The following CCDC9B variants were observed in gnomAD, a reference collection of about 807,000 sequenced individuals.
The protein encoded by CCDC9B is coiled-coil domain-containing protein 9B.
A neutral mutation model predicts 47.2 loss-of-function variants in CCDC9B; 40 were observed. The ratio of observed to expected loss-of-function variants is 0.85; its 90% confidence interval spans 0.66 to 1.10. The LOEUF is 1.10. Ranked by LOEUF, CCDC9B falls within the 50% of genes least tolerant of loss-of-function variation. The pLI, the probability that CCDC9B is intolerant of heterozygous loss-of-function variation, is 0.00. For missense variants in CCDC9B, 662 were observed against 651.0 expected (o/e 1.02, Z -0.18); for synonymous variants, 238 against 250.7 (o/e 0.95, Z 0.48).
chr15:40,338,007 T>C, intron 5 of CCDC9B, 114 bp from the exon 6 acceptor site: 2 of 1,041,444 alleles, frequency 1.9e-6, no homozygotes, highest in Non-Finnish European at 2.9e-6. Context: ...AGCTAAAAAT[T>C]AGGCCTGTTC....
rs949803599 is a variant in CCDC9B, at chr15:40,331,853, C to T, written c.*3305G>A. 1 of 152,582 alleles carries T rather than the reference C, an allele frequency of 6.6e-6. No homozygotes were observed. Among genetic ancestry groups the T allele is most frequent in the African/African-American group, 2.4e-5 (1 of 41,444 alleles). 9.5% of individuals were successfully genotyped at this position (152,582 alleles called of 1,614,324 possible). A position where few individuals can be genotyped will look rare whatever the true frequency, so the allele number is the denominator to read the frequency against. Reference sequence around the variant, plus strand: ...TGTTCCACCCGGCCACACTGCCTGTCATCAAAACACATGTCTTTCTTGCAG... The same window carrying T: ...TGTTCCACCCGGCCACACTGCCTGTTATCAAAACACATGTCTTTCTTGCAG... On this transcript the variant is annotated 3_prime_UTR_variant, in exon 11 of 11. Coordinates refer to ENST00000397536, the MANE Select transcript of CCDC9B (RefSeq NM_207380.3).
At chr15:40,340,612 C>T in intron 1 of CCDC9B, 196 bp downstream of exon 1, 1 of 602,432 alleles carries the variant, frequency 1.7e-6, no homozygotes, top group Non-Finnish European at 2.8e-6. Context: ...AGGAGTCACC[C>T]TGGGCAAGCC....
rs765438623 is a variant in CCDC9B, at chr15:40,339,580, TC to T, written c.162del (p.Met55TrpfsTer3). On this transcript the variant is annotated frameshift_variant, in exon 3 of 11. Coordinates refer to ENST00000397536, the MANE Select transcript of CCDC9B (RefSeq NM_207380.3). LOFTEE classifies it high-confidence loss of function. The stretch of plus-strand genomic sequence containing the variant: ...AGGAGTGCTGGTGTGGTCACAGCCA[TC>T]CCCCCCTGCTCTGCCTGCCGACGGT... ...QEDRRQAEQG[G>X]MAVTTPALLQ... is the part of the protein sequence containing the mutation. The T allele has an allele frequency of 5.6e-6, 9 of 1,612,398 alleles. No homozygotes were observed. The highest frequency in any genetic ancestry group is 3.3e-5 in the South Asian group (3 of 91,022).
At position 40,337,125 on chromosome 15, in the gene CCDC9B, C is replaced by T. The variant is rs1172649582; in HGVS notation, c.742+263G>A. 1.6e-5 allele frequency: 10 copies of T among 628,324 alleles called. No homozygotes were observed. In the East Asian group the frequency reaches 2.5e-4, roughly 15 times the overall value. 38.9% of individuals were successfully genotyped at this position (628,324 alleles called of 1,614,324 possible). Reference sequence around the variant, plus strand: ...ACCAGGACTTTCACCCTTTAGGGACCTCAAAGAGACCCCGGGCCGGCTTCC... The same window carrying T: ...ACCAGGACTTTCACCCTTTAGGGACTTCAAAGAGACCCCGGGCCGGCTTCC... On this transcript the variant is annotated intron_variant, in intron 7 of 10. Transcript: ENST00000397536.
Position 40,338,402 on chromosome 15 carries a change from G to A in CCDC9B, c.513+133C>T, listed in dbSNP as rs899440881. 1.1e-5 allele frequency: 11 copies of A among 1,032,338 alleles called. No homozygotes were observed. In the Admixed American group the frequency reaches 2.4e-4, roughly 22 times the overall value. 63.9% of individuals were successfully genotyped at this position (1,032,338 alleles called of 1,614,324 possible). A position where few individuals can be genotyped will look rare whatever the true frequency, so the allele number is the denominator to read the frequency against. On this transcript the variant is annotated intron_variant, in intron 5 of 10. Coordinates refer to ENST00000397536, the MANE Select transcript of CCDC9B (RefSeq NM_207380.3). Reference sequence around the variant, plus strand: ...GTAGAGACTGGCCAGAGAAAGGGAGGAGGAGCAGGAACTCCTGCATGTGCT... The same window carrying A: ...GTAGAGACTGGCCAGAGAAAGGGAGAAGGAGCAGGAACTCCTGCATGTGCT...
At chr15:40,338,317 G>C (rs1207961272) in intron 5 of CCDC9B, among the ~76,000 whole-genome samples, 1 of 152,240 alleles carries the variant, frequency 6.6e-6, no homozygotes, top group East Asian at 1.9e-4. Context: ...GGCTAAATAG[G>C]GGAGGGGGCT....
At chr15:40,337,972 CCT>C in intron 5 of CCDC9B, 79 bp from the exon 6 acceptor site, 1 of 1,407,160 alleles carries the variant, frequency 7.1e-7, no homozygotes, top group Non-Finnish European at 9.8e-7. Context: ...CCAGGCGCTT[CCT>C]CTCTCAAGGT....
chr15:40,335,988 G>A (rs573918847), intron 9 of CCDC9B, 162 bp from the exon 10 acceptor site: 4 of 985,360 alleles, frequency 4.1e-6, no homozygotes, highest in Non-Finnish European at 4.8e-6. Flanking sequence ...AATCCCAGGG[G>A]TGACCCAGAC....
rs1394883059 is a variant in CCDC9B, at chr15:40,337,705, G to T, written c.683+19C>A. The T allele has an allele frequency of 6.3e-7, 1 of 1,576,592 alleles. No homozygotes were observed. On this transcript the variant is annotated intron_variant, in intron 6 of 10. Coordinates refer to ENST00000397536, the MANE Select transcript of CCDC9B (RefSeq NM_207380.3). The stretch of plus-strand genomic sequence containing the variant: ...CTCCATCCCGCACCACAGGCAACCT[G>T]CCCAACCCAGCCACCCACGTGGACT...
At chr15:40,336,407 C>T (rs2141246642) in intron 9 of CCDC9B, 167 bp downstream of exon 9, 1 of 985,458 alleles carries the variant, frequency 1.0e-6, no homozygotes, top group East Asian at 1.1e-4. Flanking sequence ...CAGGCTCTCG[C>T]TGCAGCCTCT....
rs182215699 is a variant in CCDC9B at position 40,332,756 on chromosome 15, G to A, written c.*2402C>T. On this transcript the variant is annotated 3_prime_UTR_variant, in exon 11 of 11. Transcript: ENST00000397536. ...TCTGCCTGATGTCTCCAAAATCTAA[G>A]GGCTTTGCCTGAACCTCCTCTACCC... is the stretch of plus-strand genomic sequence containing the variant. 100 of 150,402 alleles carry A rather than the reference G, an allele frequency of 6.6e-4. No homozygotes were observed. Among genetic ancestry groups the A allele is most frequent in the African/African-American group, 2.2e-3 (90 of 41,286 alleles). The allele number at this position is 150,402 out of a possible 1,614,324, so 9.3% of individuals were successfully genotyped here. A position where few individuals can be genotyped will look rare whatever the true frequency, so the allele number is the denominator to read the frequency against.
chr15:40,335,374 C>A lies in CCDC9B; in HGVS notation c.1257G>T (p.Trp419Cys), dbSNP rs1305297351. 6.2e-7 allele frequency: 1 copy of A among 1,613,334 alleles called. No homozygotes were observed. Among genetic ancestry groups the A allele is most frequent in the South Asian group, 1.1e-5 (1 of 91,076 alleles). The part of the protein sequence containing the change: ...PEGSKQQPLG[W>C]SNHQAELEVQ... The stretch of plus-strand genomic sequence containing the variant: ...CTTCCAGCTCAGCCTGGTGATTGCT[C>A]CACCCCAGGGGCTGCTGCTTAGAGC... Residue 419 changes from tryptophan (W) to cysteine (C), a missense_variant, in exon 11 of 11, where the codon TGG becomes TGT. By Grantham distance (215) the Trp-to-Cys change is radical. Transcript: ENST00000397536.
chr15:40,339,846 G>T lies in CCDC9B; in HGVS notation c.123+59C>A, dbSNP rs1007978375. The T allele has an allele frequency of 3.4e-6, 5 of 1,457,864 alleles. No individual in the cohort carries two copies. The African/African-American group carries it at 5.6e-5, about 16-fold the overall frequency. 90.3% of individuals were successfully genotyped at this position (1,457,864 alleles called of 1,614,324 possible). On this transcript the variant is annotated intron_variant, in intron 2 of 10. Coordinates refer to ENST00000397536, the MANE Select transcript of CCDC9B (RefSeq NM_207380.3). ...TGAGCCTGCAGGGAGACCACCACGT[G>T]TGGGGCACAGGGAGCGGCAGCCAAG... is the stretch of plus-strand genomic sequence containing the variant.
chr15:40,336,064 C>T lies in CCDC9B; in HGVS notation c.888-238G>A, dbSNP rs1048951690. On this transcript the variant is annotated intron_variant, in intron 9 of 10. Coordinates refer to ENST00000397536, the MANE Select transcript of CCDC9B (RefSeq NM_207380.3). Reference sequence around the variant, plus strand: ...CATGGCAGGACCAGAGAGGAGGGGCCTCCACCTCCTCTGGGCCTCCATCTC... The same window carrying T: ...CATGGCAGGACCAGAGAGGAGGGGCTTCCACCTCCTCTGGGCCTCCATCTC... 52 of 985,350 alleles carry T rather than the reference C, an allele frequency of 5.3e-5. No individual in the cohort carries two copies. In the African/African-American group the frequency reaches 8.2e-4, roughly 16 times the overall value. 61.0% of individuals were successfully genotyped at this position (985,350 alleles called of 1,614,324 possible).
chr15:40,339,623 TG>T lies in CCDC9B; in HGVS notation c.124-5del. The T allele has an allele frequency of 1.9e-6, 3 of 1,612,750 alleles. No homozygotes were observed. Among genetic ancestry groups the T allele is most frequent in the Non-Finnish European group, 2.5e-6 (3 of 1,179,844 alleles). On this transcript the variant is annotated splice_region_variant and splice_polypyrimidine_tract_variant and intron_variant, in intron 2 of 10. Coordinates refer to ENST00000397536, the MANE Select transcript of CCDC9B (RefSeq NM_207380.3). ...GCCGACGGTCCTCCTGGATCTCCTG[TG>T]GGAGGGCTGGGGGTCAGCACACGCC...
chr15:40,338,642 C>T lies in CCDC9B; in HGVS notation c.406G>A (p.Glu136Lys). 8 of 1,614,114 alleles carry T rather than the reference C, an allele frequency of 5.0e-6. No homozygotes were observed. The highest frequency in any genetic ancestry group is 6.8e-6 in the Non-Finnish European group (8 of 1,179,996). ...NKAEGKRIVS[E>K]KPTRARNQGI... ...TGGTTCCTTGCTCTGGTAGGCTTTTCACTTACAATCCGTTTGCCCTGGGGA... is the reference window on the plus strand; with the variant it reads ...TGGTTCCTTGCTCTGGTAGGCTTTTTACTTACAATCCGTTTGCCCTGGGGA... The change falls in exon 5 of 11, where the codon GAA (glutamate) becomes AAA (lysine). Residue 136 changes from glutamate to lysine, a missense_variant. Transcript: ENST00000397536.
chr15:40,338,090 T>G (rs1458562878), intron 5 of CCDC9B, 197 bp from the exon 6 acceptor site: 1 of 731,920 alleles, frequency 1.4e-6, no homozygotes, highest in Non-Finnish European at 2.5e-6. Flanking sequence ...AACCTCTCTG[T>G]GTCTCATTTC....
At chr15:40,335,943 C>T in intron 9 of CCDC9B, 117 bp from the exon 10 acceptor site, 1 of 1,528,046 alleles carries the variant, frequency 6.5e-7, no homozygotes, top group South Asian at 1.2e-5. Flanking sequence ...TGAGCTGGGA[C>T]CCCATGGTTT....
Position 40,336,756 on chromosome 15 carries a change from T to G in CCDC9B, c.796+4A>C. 1 of 1,599,244 alleles carries G rather than the reference T, an allele frequency of 6.3e-7. No homozygotes were observed. The highest frequency in any genetic ancestry group is 8.5e-7 in the Non-Finnish European group (1 of 1,172,986). Reference sequence around the variant, plus strand: ...GACCTGGCCCCTCCTCCTCCCCAACTCACCTTTTCCATCAGGGAGCAATGG... The same window carrying G: ...GACCTGGCCCCTCCTCCTCCCCAACGCACCTTTTCCATCAGGGAGCAATGG... On this transcript the variant is annotated splice_donor_region_variant and intron_variant, in intron 8 of 10. Coordinates refer to ENST00000397536, the MANE Select transcript of CCDC9B (RefSeq NM_207380.3).
Sources: gnomAD v4.1 joint callset for allele counts (sites outside exome capture counted in the v4.1 genomes callset) on GRCh38, gnomAD v4.1.1 for gene constraint, MANE v1.5 for transcripts, NCBI Gene and HGNC (gene_info 2026-07-23, HGNC 2026-07-21) for gene names.